Variants in CCDC88C observed in about 807,000 individuals in gnomAD.
The protein encoded by CCDC88C is coiled-coil and HOOK domain protein 88C.
Under a neutral mutation model 198.8 loss-of-function variants are expected in CCDC88C, and 131 were observed. That is an observed-to-expected ratio of 0.66 (90% CI 0.57 to 0.76). The LOEUF (loss-of-function observed/expected upper bound fraction) is 0.76. CCDC88C is among the 30% of genes least tolerant of loss of function. CCDC88C has a pLI of 0.00. For missense variants in CCDC88C, 2,553 were observed against 2,631.6 expected, an observed-to-expected ratio of 0.97 and a Z score of 0.65; for synonymous variants, 1,166 against 1,114.7, an observed-to-expected ratio of 1.05 and a Z score of -0.92.
intron 12 of CCDC88C, among the ~76,000 whole-genome samples, chr14:91,323,693 C>T (rs1408583832): frequency 1.3e-5 from 2 of 152,264 alleles, no homozygotes; most frequent in Non-Finnish European, 2.9e-5. Context: ...TCACCAGCCA[C>T]CATGGTCTCT....
intron 28 of CCDC88C, 50 bp downstream of exon 28, chr14:91,279,188 G>T: frequency 6.7e-7 from 1 of 1,491,872 alleles, no homozygotes. Context: ...ATGAGCCACT[G>T]TGCCTGGCCC....
chr14:91,417,768 G>T lies in CCDC88C; in HGVS notation c.-78C>A. Reference sequence around the variant, plus strand: ...CCGCGCCGCGGCACAAAACGGCTCCGCAGCGAGCAGCGGGCGCGGGGCTGC... The same window carrying T: ...CCGCGCCGCGGCACAAAACGGCTCCTCAGCGAGCAGCGGGCGCGGGGCTGC... On this transcript the variant is annotated 5_prime_UTR_variant, in exon 1 of 30. Transcript: ENST00000389857. 9.3e-7 allele frequency: 1 copy of T among 1,072,166 alleles called. No homozygotes were observed. The highest frequency in any genetic ancestry group is 1.2e-6 in the Non-Finnish European group (1 of 838,690). The allele number at this position is 1,072,166 out of a possible 1,614,324, so 66.4% of individuals were successfully genotyped here.
At chr14:91,358,922 G>A (rs943619616) in intron 4 of CCDC88C, among the ~76,000 whole-genome samples, 1 of 152,124 alleles carries the variant, frequency 6.6e-6, no homozygotes, top group Non-Finnish European at 1.5e-5. Flanking sequence ...CTCCGTCACC[G>A]AGCATGAACC....
At chr14:91,323,448 G>A (rs1335707134) in intron 12 of CCDC88C, among the ~76,000 whole-genome samples, 17 of 152,186 alleles carry the variant, frequency 1.1e-4, no homozygotes, top group Admixed American at 1.1e-3. Flanking sequence ...CTTGCCCTAG[G>A]TCACCCAGCT....
At chr14:91,293,979 A>G (rs1460676459) in intron 23 of CCDC88C, among the ~76,000 whole-genome samples, 194 bp downstream of exon 23, 2 of 152,090 alleles carry the variant, frequency 1.3e-5, no homozygotes, top group East Asian at 1.9e-4. Flanking sequence ...ACAAAAGCCA[A>G]CTGAGAACTC....
intron 3 of CCDC88C, among the ~76,000 whole-genome samples, chr14:91,362,965 C>G (rs912495994): frequency 9.9e-5 from 15 of 151,434 alleles, no homozygotes; most frequent in Non-Finnish European, 1.6e-4. Context: ...GTTTTAGGAA[C>G]AGACAATATC....
intron 4 of CCDC88C, among the ~76,000 whole-genome samples, chr14:91,344,301 A>G (rs1893427520): frequency 6.6e-6 from 1 of 152,194 alleles, no homozygotes. Flanking sequence ...TACTGAGTCA[A>G]CGCTAAAATA....
chr14:91,410,731 C>A (rs1886748356), intron 2 of CCDC88C, among the ~76,000 whole-genome samples: 1 of 152,172 alleles, frequency 6.6e-6, no homozygotes, highest in Admixed American at 6.5e-5. Context: ...AGATGAAAAT[C>A]AATTTCACAG....
At position 91,325,395 on chromosome 14, in the gene CCDC88C, T is replaced by C. The variant is rs1212615740; in HGVS notation, c.1198-472A>G. Reference sequence around the variant, plus strand: ...GCAATACAGAAGTCAAGTGCTCTGTTTGTGGGTGTTAAGTGGCACCCGCTC... The same window carrying C: ...GCAATACAGAAGTCAAGTGCTCTGTCTGTGGGTGTTAAGTGGCACCCGCTC... On this transcript the variant is annotated intron_variant, in intron 11 of 29. Transcript: ENST00000389857. This position sits in a 1 kb window ranked among gnomAD's most constrained non-coding sequence, Gnocchi z 4.1. 2.6e-5 allele frequency among the ~76,000 whole-genome samples: 4 copies of C among 151,772 alleles called. No homozygotes were observed. Among genetic ancestry groups the C allele is most frequent in the African/African-American group, 9.7e-5 (4 of 41,230 alleles).
At chr14:91,274,654 C>T (rs1281577760) in intron 29 of CCDC88C, among the ~76,000 whole-genome samples, 1 of 152,224 alleles carries the variant, frequency 6.6e-6, no homozygotes, top group Admixed American at 6.5e-5. Context: ...GCTAGTTTGA[C>T]GCTACACATC....
Position 91,342,371 on chromosome 14 carries a change from C to G in CCDC88C, c.483+9G>C. The G allele has an allele frequency of 6.4e-7, 1 of 1,568,736 alleles. No homozygotes were observed. The highest frequency in any genetic ancestry group is 2.3e-5 in the East Asian group (1 of 43,138). ...CACAGCTGAGCCCACCACGAGGCCA[C>G]GCACCTACCTCCTGGATATGGGCCA... On this transcript the variant is annotated intron_variant, in intron 6 of 29. Coordinates refer to ENST00000389857, the MANE Select transcript of CCDC88C (RefSeq NM_001080414.4).
intron 25 of CCDC88C, chr14:91,283,765 G>A: frequency 7.3e-6 from 4 of 550,678 alleles, no homozygotes; most frequent in South Asian, 4.6e-5. Flanking sequence ...GGGTCATACT[G>A]CCAGCCCTGA....
intron 3 of CCDC88C, among the ~76,000 whole-genome samples, chr14:91,401,808 C>T (rs1287587528): frequency 6.6e-6 from 1 of 152,196 alleles, no homozygotes; most frequent in Non-Finnish European, 1.5e-5. Flanking sequence ...GCAAATGCCT[C>T]TTGTACCAGT....
intron 4 of CCDC88C, among the ~76,000 whole-genome samples, chr14:91,344,515 CTT>C (rs796660357): frequency 1.1e-4 from 16 of 142,886 alleles, no homozygotes; most frequent in Admixed American, 1.4e-4. Context: ...TAAAGCCATC[CTT>C]TTTTTTTTTT....
At chr14:91,340,524 G>C (rs913588845) in intron 6 of CCDC88C, among the ~76,000 whole-genome samples, 86 of 152,234 alleles carry the variant, frequency 5.6e-4, no homozygotes, top group Middle Eastern at 6.8e-3. Context: ...TCATTCCCAC[G>C]GGCCACAGAA....
Position 91,273,700 on chromosome 14 carries a change from G to T in CCDC88C, c.5059-47C>A. On this transcript the variant is annotated intron_variant, in intron 29 of 29. Transcript: ENST00000389857. The surrounding 1 kb of genome is among the most constrained non-coding windows in gnomAD (Gnocchi z 5.6). ...TTGGAGGTGGGCATGAGGGTTGGGT[G>T]GGTCCTTGGAGCCGCCTCCTGCGCG... is the stretch of plus-strand genomic sequence containing the variant. The T allele has an allele frequency of 7.1e-7, 1 of 1,405,836 alleles. No individual in the cohort carries two copies. Among genetic ancestry groups the T allele is most frequent in the South Asian group, 1.9e-5 (1 of 52,928 alleles). The allele number at this position is 1,405,836 out of a possible 1,614,324, so 87.1% of individuals were successfully genotyped here. A position where few individuals can be genotyped will look rare whatever the true frequency, so the allele number is the denominator to read the frequency against.
intron 3 of CCDC88C, among the ~76,000 whole-genome samples, chr14:91,398,376 G>A (rs1284625482): frequency 3.3e-5 from 5 of 152,168 alleles, no homozygotes; most frequent in Admixed American, 6.5e-5. Flanking sequence ...ACCAACACTG[G>A]CTGGCATGGT....
intron 4 of CCDC88C, among the ~76,000 whole-genome samples, chr14:91,358,965 T>C (rs1042841446): frequency 9.2e-5 from 14 of 152,142 alleles, no homozygotes; most frequent in Non-Finnish European, 1.8e-4. Flanking sequence ...GTCAGTTCTC[T>C]AAAGAGATTC....
chr14:91,339,944 C>G lies in CCDC88C; in HGVS notation c.564G>C (p.Leu188=). ...GCAGGTGGAGCACCATGCTCCTCGA[C>G]AGGGCCTCCAGCTCCTCCGGAGCCA... ...PDVAPEELEA[L]SRSMVLHLRR... is the part of the protein sequence containing the mutation. Residue 188 remains leucine, a synonymous_variant, in exon 7 of 30, where the codon CTG becomes CTC. Coordinates refer to ENST00000389857, the MANE Select transcript of CCDC88C (RefSeq NM_001080414.4). The surrounding 1 kb of genome is among the most constrained non-coding windows in gnomAD (Gnocchi z 5.8). 6.3e-7 allele frequency: 1 copy of G among 1,599,150 alleles called. No homozygotes were observed. Among genetic ancestry groups the G allele is most frequent in the Non-Finnish European group, 8.5e-7 (1 of 1,174,040 alleles).
Sources: allele counts gnomAD v4.1 joint callset (sites outside exome capture counted in the v4.1 genomes callset), GRCh38; gene constraint gnomAD v4.1.1; non-coding constraint Gnocchi (gnomAD v3.1); transcripts MANE v1.5; gene names NCBI Gene and HGNC (gene_info 2026-07-23, HGNC 2026-07-21).